Variants in EHMT1 observed in about 807,000 individuals in gnomAD.
EHMT1 encodes the protein histone-lysine N-methyltransferase EHMT1.
In EHMT1, 15 loss-of-function variants were observed where a neutral mutation model predicts 147.2. The ratio of observed to expected loss-of-function variants is 0.10; its 90% CI spans 0.07 to 0.16. The LOEUF (loss-of-function observed/expected upper bound fraction) is 0.16. Ranked by LOEUF, EHMT1 falls within the 10% of genes least tolerant of loss-of-function variation. The probability of loss-of-function intolerance (pLI) is 1.00; values close to 1 mark genes in which losing one functional copy is unlikely to be tolerated. For synonymous variants in EHMT1, 795 were observed against 709.6 expected, an observed-to-expected ratio of 1.12 and a Z score of -1.91; for missense variants, 1,587 against 1,772.4, an observed-to-expected ratio of 0.90 and a Z score of 1.88.
intron 15 of EHMT1, chr9:137,788,782 A>AGCGGCCGGCGGCTTC (rs1442788867): frequency 2.0e-5 from 3 of 152,098 alleles, no homozygotes; most frequent in African/African-American, 7.3e-5. Context: ...GCGGAGGGTG[A>AGCGGCCGGCGGCTTC]GCGGCCGGCG....
intron 1 of EHMT1, among the ~76,000 whole-genome samples, chr9:137,646,051 C>T (rs539619559): frequency 3.9e-5 from 6 of 152,092 alleles, no homozygotes; most frequent in South Asian, 2.1e-4. Flanking sequence ...CTCTGTCTCC[C>T]GGATTCAAGC....
chr9:137,634,428 T>G (rs926562144), intron 1 of EHMT1, among the ~76,000 whole-genome samples: 7 of 152,206 alleles, frequency 4.6e-5, no homozygotes, highest in African/African-American at 1.7e-4. Flanking sequence ...CTGGCCATCG[T>G]TTTTGAAAAT....
chr9:137,721,173 T>G (rs1945937961), intron 3 of EHMT1, among the ~76,000 whole-genome samples: 1 of 126,468 alleles, frequency 7.9e-6, no homozygotes, highest in Non-Finnish European at 1.7e-5. Flanking sequence ...CTTCTCACAC[T>G]CACCCCCTCC....
chr9:137,752,096 G>T (rs1949014302), intron 6 of EHMT1, among the ~76,000 whole-genome samples: 1 of 152,244 alleles, frequency 6.6e-6, no homozygotes, highest in African/African-American at 2.4e-5. Context: ...CAGGACCGGG[G>T]AGCAGAGTGG....
Position 137,728,438 on chromosome 9 carries a change from T to C in EHMT1, c.732T>C (p.Phe244=). 1 of 1,614,200 alleles carries C rather than the reference T, an allele frequency of 6.2e-7. No individual in the cohort carries two copies. The highest frequency in any genetic ancestry group is 8.5e-7 in the Non-Finnish European group (1 of 1,180,042). Residue 244 remains phenylalanine (F), a synonymous_variant, in exon 4 of 27, where the codon TTT becomes TTC. Transcript: ENST00000460843. ...KEEINKNISD[F]GRQQLLPPFP... ...AGATCAACAAAAACATTTCTGACTT[T>C]GGACGACAGCAGCTTTTACCCCCCT...
intron 1 of EHMT1, among the ~76,000 whole-genome samples, chr9:137,710,599 G>A (rs1295388403): frequency 6.6e-6 from 1 of 152,182 alleles, no homozygotes. Flanking sequence ...TTTGTAGGAG[G>A]TTGGACATTT....
At chr9:137,752,971 G>A (rs1387673151) in intron 7 of EHMT1, among the ~76,000 whole-genome samples, 1 of 152,218 alleles carries the variant, frequency 6.6e-6, no homozygotes, top group African/African-American at 2.4e-5. Flanking sequence ...CCCTACTGAA[G>A]CCTGTTATTC....
At chr9:137,634,001 C>G (rs188278773) in intron 1 of EHMT1, among the ~76,000 whole-genome samples, 22 of 152,182 alleles carry the variant, frequency 1.4e-4, no homozygotes, top group African/African-American at 5.1e-4. Context: ...TTAGTAGAGT[C>G]AGGGTTTCAC....
intron 1 of EHMT1, among the ~76,000 whole-genome samples, chr9:137,706,042 C>T (rs947918968): frequency 3.8e-5 from 4 of 106,640 alleles, no homozygotes; most frequent in African/African-American, 1.1e-4. Flanking sequence ...CTGCCTTGTG[C>T]GTTGGGGGGT....
At chr9:137,649,693 C>A (rs754641889) in intron 1 of EHMT1, among the ~76,000 whole-genome samples, 2 of 152,068 alleles carry the variant, frequency 1.3e-5, no homozygotes, top group Non-Finnish European at 2.9e-5. Context: ...AGGTGGGAGC[C>A]AAGTGTTGCG....
At chr9:137,711,984 G>A (rs1944776571) in intron 2 of EHMT1, among the ~76,000 whole-genome samples, 1 of 152,198 alleles carries the variant, frequency 6.6e-6, no homozygotes, top group Non-Finnish European at 1.5e-5. Flanking sequence ...CTGTGCCTGT[G>A]GGTTCTCGTC....
At chr9:137,714,345 A>G (rs756662007) in intron 2 of EHMT1, among the ~76,000 whole-genome samples, 22 of 152,144 alleles carry the variant, frequency 1.4e-4, no homozygotes, top group Non-Finnish European at 2.9e-4. Flanking sequence ...TGTTTTGACC[A>G]TGAAGGGGTG....
intron 7 of EHMT1, among the ~76,000 whole-genome samples, chr9:137,753,022 C>T (rs781413563): frequency 5.3e-5 from 8 of 151,968 alleles, no homozygotes; most frequent in Non-Finnish European, 1.0e-4. Flanking sequence ...CCCTGGTCTG[C>T]GGGAATTGGG....
In EHMT1 at chr9:137,787,584, G is replaced by T. The variant is rs974604080; in HGVS notation, c.2383-3264G>T. 8.4e-6 allele frequency: 4 copies of T among 476,354 alleles called. No individual in the cohort carries two copies. The highest frequency in any genetic ancestry group is 3.9e-5 in the African/African-American group (2 of 50,832). The allele number at this position is 476,354 out of a possible 1,614,324, so 29.5% of individuals were successfully genotyped here. A position where few individuals can be genotyped will look rare whatever the true frequency, so the allele number is the denominator to read the frequency against. ...CTGGTGTTTCGAGGCTGCTGTGGTC[G>T]CAGACAACCGCCTCGCCTTGGCTCC... On this transcript the variant is annotated intron_variant, in intron 15 of 26. Coordinates refer to ENST00000460843, the MANE Select transcript of EHMT1 (RefSeq NM_024757.5). The surrounding 1 kb of genome is among the most constrained non-coding windows in gnomAD (Gnocchi z 4.2).
chr9:137,817,995 C>A, intron 24 of EHMT1, 65 bp from the exon 25 acceptor site: 1 of 1,490,336 alleles, frequency 6.7e-7, no homozygotes, highest in African/African-American at 1.4e-5. Flanking sequence ...GGAGTCTGGG[C>A]TGTGCTTGTC....
chr9:137,738,190 T>A (rs1428948399), intron 4 of EHMT1, among the ~76,000 whole-genome samples: 3 of 145,516 alleles, frequency 2.1e-5, no homozygotes, highest in African/African-American at 5.3e-5. Context: ...TGAGACTCTG[T>A]CTCAAAAAAA....
chr9:137,621,738 C>A (rs1224724688), intron 1 of EHMT1, among the ~76,000 whole-genome samples: 3 of 152,128 alleles, frequency 2.0e-5, no homozygotes, highest in Non-Finnish European at 4.4e-5. Context: ...AGGATCAGAT[C>A]CTAGGGTTCC....
intron 1 of EHMT1, among the ~76,000 whole-genome samples, chr9:137,671,046 C>A (rs1392282060): frequency 6.6e-6 from 1 of 152,158 alleles, no homozygotes; most frequent in Non-Finnish European, 1.5e-5. Flanking sequence ...GAGGGCTGTC[C>A]CGGGCCGTGA....
chr9:137,643,675 G>T (rs373461683), intron 1 of EHMT1, among the ~76,000 whole-genome samples: 3 of 152,172 alleles, frequency 2.0e-5, no homozygotes, highest in East Asian at 3.9e-4. Flanking sequence ...TACTCTGAGG[G>T]TATTGTCTGG....
Sources: allele counts gnomAD v4.1 joint callset (sites outside exome capture counted in the v4.1 genomes callset), GRCh38; gene constraint gnomAD v4.1.1; non-coding constraint Gnocchi (gnomAD v3.1); transcripts MANE v1.5; gene names NCBI Gene and HGNC (gene_info 2026-07-23, HGNC 2026-07-21).